Variants in RPA1 observed in about 807,000 individuals in gnomAD.
The protein encoded by RPA1 is replication protein A 70 kDa DNA-binding subunit.
Under a neutral mutation model 83.0 loss-of-function variants are expected in RPA1, and 49 were observed. That is an observed-to-expected ratio of 0.59 (90% CI 0.47 to 0.75). The LOEUF is 0.75. RPA1 is among the 30% of genes least tolerant of loss of function. The probability of loss-of-function intolerance (pLI) is 0.00; values close to 1 mark genes in which losing one functional copy is unlikely to be tolerated. For synonymous variants in RPA1, 279 were observed against 281.8 expected (o/e 0.99, Z 0.10); for missense variants, 693 against 776.1 (o/e 0.89, Z 1.27).
intron 8 of RPA1, among the ~76,000 whole-genome samples, 186 bp from the exon 9 acceptor site, chr17:1,878,807 G>C (rs970952203): frequency 6.6e-6 from 1 of 152,206 alleles, no homozygotes; most frequent in African/African-American, 2.4e-5. Flanking sequence ...ACTTCAGTGT[G>C]TGACTGTAAA....
At chr17:1,861,262 G>C (rs546134692) in intron 5 of RPA1, among the ~76,000 whole-genome samples, 1 of 152,194 alleles carries the variant, frequency 6.6e-6, no homozygotes, top group South Asian at 2.1e-4. Context: ...CCAGACTCTC[G>C]GCCCCCATTT....
chr17:1,844,664 G>T lies in RPA1; in HGVS notation c.250G>T (p.Val84Leu). 6.2e-7 allele frequency: 1 copy of T among 1,613,398 alleles called. No homozygotes were observed. The highest frequency in any genetic ancestry group is 8.5e-7 in the Non-Finnish European group (1 of 1,179,576). The change falls in exon 4 of 17, where the codon GTG (valine) becomes TTG (leucine). Residue 84 changes from valine (V) to leucine (L), a missense_variant. Val to Leu is a conservative substitution (Grantham distance 32, BLOSUM62 1). Coordinates refer to ENST00000254719, the MANE Select transcript of RPA1 (RefSeq NM_002945.5). ...NCVCQIHRFI[V>L]NTLKDGRRVV... is the part of the protein sequence containing the mutation. ...TGTATGCCAGATTCACAGATTTATT[G>T]TGAACACTCTGAAAGACGGAAGGTA... is the stretch of plus-strand genomic sequence containing the variant.
In RPA1 at chr17:1,844,619, G is replaced by A. The variant is rs768217681; in HGVS notation, c.205G>A (p.Glu69Lys). 1 of 1,613,788 alleles carries A rather than the reference G, an allele frequency of 6.2e-7. No homozygotes were observed. The highest frequency in any genetic ancestry group is 1.1e-5 in the South Asian group (1 of 90,920). ...ATQLNPLVEE[E>K]QLSSNCVCQI... ...ACAGTTGAACCCTCTCGTGGAGGAAGAACAATTGTCCAGCAACTGTGTATG... is the reference window on the plus strand; with the variant it reads ...ACAGTTGAACCCTCTCGTGGAGGAAAAACAATTGTCCAGCAACTGTGTATG... The change falls in exon 4 of 17, where the codon GAA (glutamate) becomes AAA (lysine). Residue 69 changes from glutamate (E) to lysine (K), a missense_variant. Coordinates refer to ENST00000254719, the MANE Select transcript of RPA1 (RefSeq NM_002945.5).
At chr17:1,855,350 T>A (rs1024734461) in intron 5 of RPA1, among the ~76,000 whole-genome samples, 3 of 148,696 alleles carry the variant, frequency 2.0e-5, no homozygotes, top group Admixed American at 6.6e-5. Context: ...TGTGTGTGTG[T>A]GTGTGTGTGT....
At chr17:1,864,042 G>A (rs1012202218) in intron 5 of RPA1, among the ~76,000 whole-genome samples, 6 of 152,230 alleles carry the variant, frequency 3.9e-5, no homozygotes, top group Non-Finnish European at 5.9e-5. Flanking sequence ...GCATCAAGAA[G>A]CTGGAAGATG....
intron 5 of RPA1, among the ~76,000 whole-genome samples, chr17:1,860,223 C>T (rs950555003): frequency 1.8e-4 from 27 of 152,114 alleles, no homozygotes; most frequent in Non-Finnish European, 3.7e-4. Flanking sequence ...GGACTGCAGG[C>T]TGCACCTGTA....
chr17:1,872,297 C>A, intron 5 of RPA1, 137 bp from the exon 6 acceptor site: 1 of 1,327,036 alleles, frequency 7.5e-7, no homozygotes, highest in Non-Finnish European at 1.0e-6. Flanking sequence ...TGGAATGCCT[C>A]AGCACGAATT....
intron 5 of RPA1, among the ~76,000 whole-genome samples, chr17:1,858,707 T>C (rs976011285): frequency 6.6e-6 from 1 of 151,788 alleles, no homozygotes; most frequent in Non-Finnish European, 1.5e-5. Flanking sequence ...TCAAGTGATC[T>C]GCGTGCCTCA....
chr17:1,839,229 T>A (rs1161085520), intron 1 of RPA1, among the ~76,000 whole-genome samples: 2 of 152,234 alleles, frequency 1.3e-5, no homozygotes, highest in Non-Finnish European at 2.9e-5. Flanking sequence ...GATTTCTATG[T>A]TGGTGCTTAT....
At chr17:1,887,441 C>T (rs1597457937) in intron 13 of RPA1, among the ~76,000 whole-genome samples, 1 of 151,964 alleles carries the variant, frequency 6.6e-6, no homozygotes, top group East Asian at 1.9e-4. Context: ...TGCCTGTAGT[C>T]CCAGCTTCTC....
intron 5 of RPA1, among the ~76,000 whole-genome samples, chr17:1,864,151 C>G (rs956898691): frequency 6.6e-6 from 1 of 152,208 alleles, no homozygotes; most frequent in African/African-American, 2.4e-5. Flanking sequence ...GGAGCTGTTT[C>G]TTAAAAATTA....
chr17:1,831,815 G>A (rs182665461), intron 1 of RPA1, among the ~76,000 whole-genome samples: 31 of 150,936 alleles, frequency 2.1e-4, no homozygotes, highest in African/African-American at 6.1e-4. Context: ...TAGCCAGGAT[G>A]GTCTCGATCT....
chr17:1,838,382 A>G (rs1425135723), intron 1 of RPA1, among the ~76,000 whole-genome samples: 2 of 150,104 alleles, frequency 1.3e-5, no homozygotes, highest in African/African-American at 4.9e-5. Flanking sequence ...GCCGGGCAGA[A>G]CACCTGAGGT....
intron 1 of RPA1, among the ~76,000 whole-genome samples, chr17:1,838,308 A>C (rs72822499): frequency 6.6e-6 from 1 of 150,558 alleles, no homozygotes; most frequent in Admixed American, 6.6e-5. Context: ...TAATTAAATA[A>C]ATAAAATAAA....
rs767519806 is a variant in RPA1, at chr17:1,875,804, G to A, written c.587+11G>A. 7.4e-6 allele frequency: 12 copies of A among 1,611,310 alleles called. No individual in the cohort carries two copies. The highest frequency in any genetic ancestry group is 1.7e-5 in the Admixed American group (1 of 59,356). ...TCCTTACCAGTCCAAGTGAGTTGTT[G>A]CATAGAGTAAGTTCAGAGTGTACTT... On this transcript the variant is annotated intron_variant, in intron 7 of 16. Coordinates refer to ENST00000254719, the MANE Select transcript of RPA1 (RefSeq NM_002945.5).
intron 1 of RPA1, among the ~76,000 whole-genome samples, chr17:1,839,406 A>G (rs1347095264): frequency 6.8e-6 from 1 of 146,834 alleles, no homozygotes; most frequent in African/African-American, 2.5e-5. Flanking sequence ...GCTCACTGCA[A>G]CCTCCACCTC....
intron 1 of RPA1, among the ~76,000 whole-genome samples, chr17:1,835,861 A>G (rs1208772483): frequency 6.6e-6 from 1 of 152,150 alleles, no homozygotes; most frequent in Non-Finnish European, 1.5e-5. Flanking sequence ...GGTGGCTCAC[A>G]TGTGTACTCT....
chr17:1,830,238 A>C, intron 1 of RPA1, 112 bp downstream of exon 1: 6 of 310,938 alleles, frequency 1.9e-5, no homozygotes, highest in Non-Finnish European at 2.6e-5. Context: ...ACGCGAGGGG[A>C]GGAGATGGCG....
chr17:1,855,255 C>T (rs935661471), intron 5 of RPA1, among the ~76,000 whole-genome samples: 3 of 152,044 alleles, frequency 2.0e-5, no homozygotes, highest in African/African-American at 4.8e-5. Context: ...CTCCGCCTCC[C>T]GGGTTCAAGT....
Sources: allele counts gnomAD v4.1 joint callset (sites outside exome capture counted in the v4.1 genomes callset), GRCh38; gene constraint gnomAD v4.1.1; transcripts MANE v1.5; gene names NCBI Gene and HGNC (gene_info 2026-07-23, HGNC 2026-07-21).